Variants in SLC30A8 observed in about 807,000 individuals in gnomAD.
SLC30A8 encodes solute carrier family 30 member 8.
A neutral mutation model predicts 36.9 loss-of-function variants in SLC30A8; 27 were observed. The observed-to-expected ratio is 0.73, with a 90% CI of 0.54 to 1.01. The LOEUF is 1.01. Among genes scored for constraint, SLC30A8 ranks in the 50% least tolerant of loss-of-function variants. SLC30A8 has a pLI of 0.00. For missense variants in SLC30A8, 439 were observed against 452.0 expected (o/e 0.97, Z 0.26); for synonymous variants, 164 against 172.4 (o/e 0.95, Z 0.38).
intron 2 of SLC30A8, among the ~76,000 whole-genome samples, chr8:117,097,769 A>T (rs866003356): frequency 4.2e-5 from 3 of 72,218 alleles, no homozygotes; most frequent in African/African-American, 1.3e-4. Context: ...ATAATATATA[A>T]TTTTAAATAA....
intron 2 of SLC30A8, among the ~76,000 whole-genome samples, chr8:117,075,164 A>G (rs946109003): frequency 6.6e-6 from 1 of 152,204 alleles, no homozygotes; most frequent in Non-Finnish European, 1.5e-5. Flanking sequence ...AAAAATAGTG[A>G]GCAAAGACAT....
intron 2 of SLC30A8, among the ~76,000 whole-genome samples, chr8:117,093,494 A>G (rs576056628): frequency 2.2e-4 from 33 of 151,918 alleles, no homozygotes; most frequent in Non-Finnish European, 4.4e-4. Context: ...ACTCCACACC[A>G]AAGCTGCTTC....
In SLC30A8 at chr8:117,173,457, A is replaced by G. The variant is rs888075548; in HGVS notation, c.*776A>G. On this transcript the variant is annotated 3_prime_UTR_variant, in exon 8 of 8. Coordinates refer to ENST00000456015, the MANE Select transcript of SLC30A8 (RefSeq NM_173851.3). Reference sequence around the variant, plus strand: ...CAAAAACATTCGAGTTGACCCCACCAAGTTGTTGCCACAGATAATTTAGAT... The same window carrying G: ...CAAAAACATTCGAGTTGACCCCACCGAGTTGTTGCCACAGATAATTTAGAT... 2 of 152,186 alleles carry G rather than the reference A, an allele frequency of 1.3e-5. No individual in the cohort carries two copies. Among genetic ancestry groups the G allele is most frequent in the African/African-American group, 4.8e-5 (2 of 41,440 alleles). The allele number at this position is 152,186 out of a possible 1,614,324, so 9.4% of individuals were successfully genotyped here. A position where few individuals can be genotyped will look rare whatever the true frequency, so the allele number is the denominator to read the frequency against.
intron 1 of SLC30A8, among the ~76,000 whole-genome samples, chr8:117,030,577 C>A (rs1397021327): frequency 6.6e-6 from 1 of 152,066 alleles, no homozygotes; most frequent in Non-Finnish European, 1.5e-5. Flanking sequence ...TGCCTGGGTG[C>A]AGTGTTAAAT....
intron 2 of SLC30A8, among the ~76,000 whole-genome samples, chr8:117,049,343 A>G (rs778043338): frequency 1.3e-5 from 2 of 152,260 alleles, no homozygotes; most frequent in Non-Finnish European, 2.9e-5. Flanking sequence ...ACGTAGTTAC[A>G]GAAACACATG....
upstream of SLC30A8, chr8:117,134,949 C>G (rs1379146493): frequency 6.1e-6 from 1 of 162,772 alleles, no homozygotes; most frequent in African/African-American, 2.4e-5. Context: ...TGCAGCTCAC[C>G]CACGTGTGCT....
chr8:116,965,267 G>A (rs529143268), intron 1 of SLC30A8, among the ~76,000 whole-genome samples: 9 of 152,212 alleles, frequency 5.9e-5, no homozygotes, highest in Non-Finnish European at 1.2e-4. Context: ...TTTTGGAAGC[G>A]AAGAAAGTGG....
At chr8:117,013,441 A>G (rs1332498248) in intron 1 of SLC30A8, among the ~76,000 whole-genome samples, 1 of 152,204 alleles carries the variant, frequency 6.6e-6, no homozygotes, top group Non-Finnish European at 1.5e-5. Context: ...AATGTTATCA[A>G]ATCATCTAGG....
intron 1 of SLC30A8, among the ~76,000 whole-genome samples, chr8:117,023,550 GA>G (rs1816776218): frequency 6.6e-6 from 1 of 152,082 alleles, no homozygotes; most frequent in African/African-American, 2.4e-5. Context: ...CATGAAAAAT[GA>G]TGAGTTCATG....
chr8:117,059,974 G>C (rs1403559535), intron 2 of SLC30A8, among the ~76,000 whole-genome samples: 1 of 152,008 alleles, frequency 6.6e-6, no homozygotes, highest in Admixed American at 6.6e-5. Flanking sequence ...GAACAGATAC[G>C]AGAGTTAGAA....
intron 1 of SLC30A8, among the ~76,000 whole-genome samples, chr8:116,958,871 A>ATTTTT (rs1814313178): frequency 7.1e-5 from 1 of 14,140 alleles, no homozygotes; most frequent in African/African-American, 3.3e-4. Context: ...TTTTTTTTTG[A>ATTTTT]GGCAGAGTCT....
chr8:117,167,262 G>A (rs1823104224), intron 6 of SLC30A8, among the ~76,000 whole-genome samples: 1 of 152,042 alleles, frequency 6.6e-6, no homozygotes, highest in Non-Finnish European at 1.5e-5. Context: ...ATAGAAACTG[G>A]CAGATAACTC....
rs143923105 is a variant in SLC30A8 at position 117,013,377 on chromosome 8, T to G, written c.-265-25842T>G. On this transcript the variant is annotated intron_variant, in intron 1 of 10. Coordinates refer to the SLC30A8 transcript ENST00000427715. ...AGAGTTGTAGAAGGTAACAAGTATT[T>G]AATAACAAAAGACTGGGAATACAAG... Among the ~76,000 whole-genome samples the G allele has an allele frequency of 6.8e-4, 104 of 152,308 alleles. 1 individual carries two copies. Among genetic ancestry groups the G allele is most frequent in the African/African-American group, 2.2e-3 (93 of 41,574 alleles).
intron 1 of SLC30A8, among the ~76,000 whole-genome samples, chr8:116,971,701 T>G (rs533308746): frequency 1.1e-4 from 17 of 152,282 alleles, no homozygotes; most frequent in African/African-American, 4.1e-4. Context: ...TAGGCTTGTC[T>G]CTGTAGACAA....
intron 2 of SLC30A8, among the ~76,000 whole-genome samples, chr8:117,098,152 G>A (rs1819544221): frequency 6.7e-6 from 1 of 148,318 alleles, no homozygotes; most frequent in African/African-American, 2.5e-5. Context: ...AAGAGGAAGA[G>A]CTAATTTAAA....
intron 1 of SLC30A8, among the ~76,000 whole-genome samples, chr8:116,975,602 G>C (rs1442386719): frequency 6.6e-6 from 1 of 152,180 alleles, no homozygotes; most frequent in African/African-American, 2.4e-5. Flanking sequence ...TAGAGAAGTG[G>C]TCAGAAAAAG....
intron 1 of SLC30A8, among the ~76,000 whole-genome samples, chr8:117,137,906 C>T (rs1443078412): frequency 6.6e-6 from 1 of 151,610 alleles, no homozygotes; most frequent in Non-Finnish European, 1.5e-5. Flanking sequence ...TATTGGATGA[C>T]AGGAATTGCT....
rs1407328095 is a variant in SLC30A8, at chr8:117,027,076, A to G, written c.-265-12143A>G. Among the ~76,000 whole-genome samples, 3 of 152,208 alleles carry G rather than the reference A, an allele frequency of 2.0e-5. No homozygotes were observed. In the East Asian group the frequency reaches 5.8e-4, roughly 29 times the overall value. On this transcript the variant is annotated intron_variant, in intron 1 of 10. Coordinates refer to the SLC30A8 transcript ENST00000427715. Reference sequence around the variant, plus strand: ...GAGGCATTATCACTGAGTAGCACTCATAGTGGTTACTGAGACCTAGGTCTT... The same window carrying G: ...GAGGCATTATCACTGAGTAGCACTCGTAGTGGTTACTGAGACCTAGGTCTT...
chr8:117,097,541 TA>T (rs1412954019), intron 2 of SLC30A8, among the ~76,000 whole-genome samples: 2 of 112,312 alleles, frequency 1.8e-5, no homozygotes, highest in Admixed American at 1.2e-4. Flanking sequence ...ATATAATATA[TA>T]ATTTTAAATA....
Sources: allele counts gnomAD v4.1 joint callset (sites outside exome capture counted in the v4.1 genomes callset), GRCh38; gene constraint gnomAD v4.1.1; transcripts MANE v1.5; gene names NCBI Gene and HGNC (gene_info 2026-07-23, HGNC 2026-07-21).